Variants in BTRC observed in about 807,000 individuals in gnomAD.
The protein encoded by BTRC is beta-transducin repeat containing E3 ubiquitin protein ligase, also known as F-box/WD repeat-containing protein 1A.
In BTRC, 42 loss-of-function variants were observed where a neutral mutation model predicts 85.5. That is an observed-to-expected ratio of 0.49 (90% CI 0.38 to 0.64). The LOEUF is 0.64. Ranked by LOEUF, BTRC falls within the 30% of genes least tolerant of loss-of-function variation. The probability of loss-of-function intolerance (pLI) is 0.00; values close to 1 mark genes in which losing one functional copy is unlikely to be tolerated. For missense variants in BTRC, 594 were observed against 743.5 expected (o/e 0.80, Z 2.34); for synonymous variants, 255 against 263.3 (o/e 0.97, Z 0.30).
At chr10:101,419,724 T>C (rs892438220) in intron 1 of BTRC, among the ~76,000 whole-genome samples, 2 of 152,188 alleles carry the variant, frequency 1.3e-5, no homozygotes, top group Non-Finnish European at 2.9e-5. Context: ...GTGGGAAACA[T>C]CGGGGGGCAT....
At chr10:101,501,209 T>C in intron 4 of BTRC, among the ~76,000 whole-genome samples, 1 of 151,674 alleles carries the variant, frequency 6.6e-6, no homozygotes. Flanking sequence ...AAGAGGTGTA[T>C]GCTTAAACGC....
chr10:101,505,643 AT>A (rs1564812761), intron 4 of BTRC, among the ~76,000 whole-genome samples: 72 of 147,498 alleles, frequency 4.9e-4, no homozygotes, highest in Admixed American at 8.1e-4. Flanking sequence ...AAAAAAAATA[AT>A]AATAAAAAAA....
At chr10:101,503,433 G>C (rs964892979) in intron 4 of BTRC, among the ~76,000 whole-genome samples, 1 of 152,134 alleles carries the variant, frequency 6.6e-6, no homozygotes, top group Admixed American at 6.5e-5. Context: ...TTACTAACTT[G>C]TGTGAATCTG....
intron 1 of BTRC, among the ~76,000 whole-genome samples, chr10:101,366,838 ATTTATG>A (rs1942409163): frequency 1.6e-5 from 1 of 62,990 alleles, no homozygotes; most frequent in African/African-American, 7.0e-5. Flanking sequence ...ATTTATATAT[ATTTATG>A]TATATTAATA....
At chr10:101,490,367 ATAGTGC>A in intron 4 of BTRC, among the ~76,000 whole-genome samples, 1 of 152,306 alleles carries the variant, frequency 6.6e-6, no homozygotes, top group East Asian at 1.9e-4. Context: ...CAGGCACTAT[ATAGTGC>A]TAGCTATGTG....
intron 3 of BTRC, among the ~76,000 whole-genome samples, chr10:101,475,205 G>T (rs1241651010): frequency 6.6e-6 from 1 of 152,036 alleles, no homozygotes; most frequent in Non-Finnish European, 1.5e-5. Flanking sequence ...TAAATTATAA[G>T]AATAAAACAA....
intron 1 of BTRC, among the ~76,000 whole-genome samples, chr10:101,407,426 T>G (rs370161905): frequency 1.2e-4 from 19 of 152,214 alleles, no homozygotes; most frequent in African/African-American, 4.3e-4. Flanking sequence ...TTTGTTTTTA[T>G]TTCTTTGGAA....
intron 1 of BTRC, among the ~76,000 whole-genome samples, chr10:101,386,210 C>T (rs546669290): frequency 6.6e-6 from 1 of 152,274 alleles, no homozygotes. Context: ...CAGGACCTTT[C>T]TATTTTTATA....
rs1451902311 is a variant in BTRC, at chr10:101,555,863, C to G, written c.*2740C>G. 1 of 152,198 alleles carries G rather than the reference C, an allele frequency of 6.6e-6. No individual in the cohort carries two copies. Among genetic ancestry groups the G allele is most frequent in the Non-Finnish European group, 1.5e-5 (1 of 68,040 alleles). 9.4% of individuals were successfully genotyped at this position (152,198 alleles called of 1,614,324 possible). On this transcript the variant is annotated 3_prime_UTR_variant, in exon 15 of 15. Coordinates refer to ENST00000370187, the MANE Select transcript of BTRC (RefSeq NM_033637.4). ...ACCTTTCTTAAAGACAGGCTGAAAC[C>G]CCTTCAAAGGCAGATGAGGAGGTAC...
intron 4 of BTRC, among the ~76,000 whole-genome samples, chr10:101,501,031 C>T (rs973455101): frequency 3.9e-5 from 6 of 152,116 alleles, no homozygotes; most frequent in African/African-American, 1.4e-4. Flanking sequence ...CCCGCCTCCA[C>T]TAAAAATACA....
chr10:101,395,921 G>A (rs1180427436), intron 1 of BTRC, among the ~76,000 whole-genome samples: 9 of 151,844 alleles, frequency 5.9e-5, no homozygotes, highest in Non-Finnish European at 1.0e-4. Flanking sequence ...GTTTGTAAGC[G>A]ACAAATATGT....
chr10:101,439,627 A>G (rs975935144), intron 2 of BTRC, among the ~76,000 whole-genome samples: 2 of 152,078 alleles, frequency 1.3e-5, no homozygotes, highest in African/African-American at 4.8e-5. Flanking sequence ...GCTTTCATTG[A>G]TAGGGTTGGA....
intron 6 of BTRC, among the ~76,000 whole-genome samples, chr10:101,530,282 G>T (rs1317594670): frequency 6.6e-6 from 1 of 151,976 alleles, no homozygotes; most frequent in Non-Finnish European, 1.5e-5. Flanking sequence ...TTCTTCCCTA[G>T]CTGCTGCTGG....
chr10:101,398,458 G>T (rs924512438), intron 1 of BTRC, among the ~76,000 whole-genome samples: 2 of 151,814 alleles, frequency 1.3e-5, no homozygotes, highest in Non-Finnish European at 2.9e-5. Context: ...GCCCGACACT[G>T]TGCCCAGATA....
chr10:101,365,209 G>A (rs186442385), intron 1 of BTRC, among the ~76,000 whole-genome samples: 83 of 151,644 alleles, frequency 5.5e-4, no homozygotes, highest in African/African-American at 1.9e-3. Flanking sequence ...GAGTAGCTGG[G>A]ATTACAGGCA....
rs182865273 is a variant in BTRC at position 101,399,147 on chromosome 10, G to T, written c.49-31198G>T. Among the ~76,000 whole-genome samples, 300 of 152,066 alleles carry T rather than the reference G, an allele frequency of 2.0e-3. 1 individual carries two copies. Among genetic ancestry groups the T allele is most frequent in the African/African-American group, 7.0e-3 (289 of 41,466 alleles). Reference sequence around the variant, plus strand: ...TTTTTGTATTTTTAGTAGAGATGGGGTTTCACCATGTTGGCCAAGCTGGTC... The same window carrying T: ...TTTTTGTATTTTTAGTAGAGATGGGTTTTCACCATGTTGGCCAAGCTGGTC... On this transcript the variant is annotated intron_variant, in intron 1 of 14. Coordinates refer to ENST00000370187, the MANE Select transcript of BTRC (RefSeq NM_033637.4).
intron 4 of BTRC, among the ~76,000 whole-genome samples, chr10:101,486,398 T>C (rs1945988568): frequency 6.6e-6 from 1 of 151,630 alleles, no homozygotes; most frequent in Non-Finnish European, 1.5e-5. Flanking sequence ...GTGCAGTCTT[T>C]TAGTGCAGGA....
intron 1 of BTRC, among the ~76,000 whole-genome samples, chr10:101,428,684 T>G (rs757770475): frequency 4.6e-5 from 7 of 152,144 alleles, no homozygotes; most frequent in Non-Finnish European, 1.0e-4. Flanking sequence ...AATACTTAAT[T>G]TTTCCTGGGC....
intron 1 of BTRC, among the ~76,000 whole-genome samples, chr10:101,406,680 C>T (rs1028383157): frequency 3.3e-5 from 5 of 151,830 alleles, no homozygotes; most frequent in African/African-American, 4.8e-5. Flanking sequence ...GTTACAGGCA[C>T]GTGCCATCAC....
Sources: allele counts gnomAD v4.1 joint callset (sites outside exome capture counted in the v4.1 genomes callset), GRCh38; gene constraint gnomAD v4.1.1; transcripts MANE v1.5; gene names NCBI Gene and HGNC (gene_info 2026-07-23, HGNC 2026-07-21).